The following WDR33 variants were observed in gnomAD, a reference collection of about 807,000 sequenced individuals.
WDR33 encodes the protein WD repeat domain 33.
In WDR33, 47 loss-of-function variants were observed where a neutral mutation model predicts 164.9. The ratio of observed to expected loss-of-function variants is 0.29; its 90% CI spans 0.23 to 0.36. WDR33 has a LOEUF of 0.36. WDR33 is among the 10% of genes least tolerant of loss of function. The probability of loss-of-function intolerance (pLI) is 1.00; values close to 1 mark genes in which losing one functional copy is unlikely to be tolerated. For synonymous variants in WDR33, 505 were observed against 589.0 expected (o/e 0.86, Z 2.06); for missense variants, 1,137 against 1,754.1 (o/e 0.65, Z 6.28).
intron 1 of WDR33, among the ~76,000 whole-genome samples, chr2:127,804,230 A>T (rs11890797): frequency 0.04 from 6,133 of 152,198 alleles, 364 homozygotes; most frequent in African/African-American, 0.13. Context: ...TTGAGGCAGG[A>T]GAATGGCGTG....
intron 21 of WDR33, among the ~76,000 whole-genome samples, chr2:127,707,173 CA>C (rs1686037641): frequency 7.4e-6 from 1 of 135,112 alleles, no homozygotes; most frequent in South Asian, 2.3e-4. Context: ...CTAGTATGCA[CA>C]AATGTTTAGG....
At chr2:127,731,674 C>T (rs1686710426) in intron 7 of WDR33, among the ~76,000 whole-genome samples, 1 of 152,120 alleles carries the variant, frequency 6.6e-6, no homozygotes, top group Non-Finnish European at 1.5e-5. Context: ...AAAACTGAGG[C>T]AGAAATAAGG....
At chr2:127,747,565 T>C (rs548515150) in intron 7 of WDR33, among the ~76,000 whole-genome samples, 2 of 152,306 alleles carry the variant, frequency 1.3e-5, no homozygotes, top group Non-Finnish European at 2.9e-5. Flanking sequence ...CATGATGACA[T>C]TCTCTATTTC....
Position 127,705,587 on chromosome 2 carries a change from TAGG to T in WDR33, c.*733_*735del, listed in dbSNP as rs957393191. ...CGATTCAAACCTAAACTGTGATTCT[TAGG>T]AGATGCTTCCAAGGGGAAGCTCCCT... On this transcript the variant is annotated 3_prime_UTR_variant, in exon 22 of 22. Coordinates refer to ENST00000322313, the MANE Select transcript of WDR33 (RefSeq NM_018383.5). The surrounding 1 kb of genome is among the most constrained non-coding windows in gnomAD (Gnocchi z 4.5). 1 of 152,236 alleles carries T rather than the reference TAGG, an allele frequency of 6.6e-6. No homozygotes were observed. The highest frequency in any genetic ancestry group is 1.5e-5 in the Non-Finnish European group (1 of 68,038). The allele number at this position is 152,236 out of a possible 1,614,324, so 9.4% of individuals were successfully genotyped here.
At chr2:127,736,019 C>T (rs770978897) in intron 7 of WDR33, 170 of 985,428 alleles carry the variant, frequency 1.7e-4, no homozygotes, top group Middle Eastern at 1.6e-3. Context: ...TGCATAGAAT[C>T]ATGGGTGAAG....
At chr2:127,730,648 C>T (rs1212711868) in intron 7 of WDR33, among the ~76,000 whole-genome samples, 2 of 147,944 alleles carry the variant, frequency 1.4e-5, no homozygotes, top group Admixed American at 1.3e-4. Context: ...GCAAGCAAAA[C>T]ACACAAACTA....
intron 1 of WDR33, among the ~76,000 whole-genome samples, chr2:127,778,746 C>T (rs1016912717): frequency 6.6e-6 from 1 of 152,116 alleles, no homozygotes; most frequent in African/African-American, 2.4e-5. Context: ...AGGGGAGAGA[C>T]ACTTGAGAAA....
Position 127,726,531 on chromosome 2 carries a change from C to T in WDR33, c.851+120G>A. 1 of 1,308,984 alleles carries T rather than the reference C, an allele frequency of 7.6e-7. No homozygotes were observed. Among genetic ancestry groups the T allele is most frequent in the Admixed American group, 2.6e-5 (1 of 38,012 alleles). 81.1% of individuals were successfully genotyped at this position (1,308,984 alleles called of 1,614,324 possible). ...TCATAAGAAGTCTATAGATCCAAGT[C>T]CATCTGTTGCCTAAATGACTCTTCC... On this transcript the variant is annotated intron_variant, in intron 8 of 21. Transcript: ENST00000322313. The surrounding 1 kb of genome is among the most constrained non-coding windows in gnomAD (Gnocchi z 4.8).
At chr2:127,802,176 A>C (rs1370326243) in intron 1 of WDR33, among the ~76,000 whole-genome samples, 1 of 152,116 alleles carries the variant, frequency 6.6e-6, no homozygotes, top group South Asian at 2.1e-4. Context: ...TCAAAAAAAA[A>C]AAATTAAGAC....
At chr2:127,807,092 C>T (rs1021529817) in intron 1 of WDR33, among the ~76,000 whole-genome samples, 63 of 152,258 alleles carry the variant, frequency 4.1e-4, no homozygotes, top group African/African-American at 1.4e-3. Context: ...GCAACCTCCG[C>T]CTCCAAGGTT....
intron 7 of WDR33, among the ~76,000 whole-genome samples, chr2:127,740,142 C>T (rs1402429102): frequency 6.6e-6 from 1 of 152,014 alleles, no homozygotes; most frequent in Non-Finnish European, 1.5e-5. Context: ...ACTACAATGC[C>T]ACCTCCAACA....
At chr2:127,786,699 A>T (rs1280260897) in intron 1 of WDR33, among the ~76,000 whole-genome samples, 1 of 151,858 alleles carries the variant, frequency 6.6e-6, no homozygotes, top group African/African-American at 2.4e-5. Context: ...ATATATATGT[A>T]TTTTTTTTAA....
At position 127,724,175 on chromosome 2, in the gene WDR33, T is replaced by C. The variant is rs2105384497; in HGVS notation, c.1196+158A>G. ...AAACCATATTCAATACCCAATCTCT[T>C]TATTGCAATATAAGTATTTGTAAAC... is the stretch of plus-strand genomic sequence containing the variant. On this transcript the variant is annotated intron_variant, in intron 11 of 21. Transcript: ENST00000322313. The surrounding 1 kb of genome is among the most constrained non-coding windows in gnomAD (Gnocchi z 4.8). Among the ~76,000 whole-genome samples the C allele has an allele frequency of 6.6e-6, 1 of 152,302 alleles. No homozygotes were observed. The highest frequency in any genetic ancestry group is 2.4e-5 in the African/African-American group (1 of 41,542).
chr2:127,779,399 G>C (rs1263963713), intron 1 of WDR33, among the ~76,000 whole-genome samples: 1 of 152,048 alleles, frequency 6.6e-6, no homozygotes, highest in Non-Finnish European at 1.5e-5. Flanking sequence ...CTCAGAGGCA[G>C]AGGTTGCAGG....
chr2:127,725,253 A>C (rs2105385466), intron 8 of WDR33, 38 bp from the exon 9 acceptor site: 2 of 1,565,018 alleles, frequency 1.3e-6, no homozygotes, highest in African/African-American at 2.8e-5. Flanking sequence ...TCAGAATTCA[A>C]AACAAGTATA....
chr2:127,746,177 A>G (rs1687163871), intron 7 of WDR33, among the ~76,000 whole-genome samples: 1 of 152,176 alleles, frequency 6.6e-6, no homozygotes, highest in Admixed American at 6.5e-5. Flanking sequence ...GACTTACATA[A>G]ATAAAGCTTT....
intron 7 of WDR33, among the ~76,000 whole-genome samples, chr2:127,757,077 C>CAAA (rs11381814): frequency 0.01 from 890 of 85,052 alleles, 9 homozygotes; most frequent in African/African-American, 0.033. Context: ...AACCTGTCTC[C>CAAA]AAAAAAAAAA....
In WDR33 at chr2:127,713,788, G is replaced by A. The variant is rs1421671773; in HGVS notation, c.3103C>T (p.Arg1035Ter). 6 of 1,614,232 alleles carry A rather than the reference G, an allele frequency of 3.7e-6. No homozygotes were observed. The highest frequency in any genetic ancestry group is 5.1e-6 in the Non-Finnish European group (6 of 1,180,046). ...FGHRLREFEG[R>*]GGPLPQEEKW... ...TCTTCTTGCGGTAAAGGTCCTCCTC[G>A]CCCCTCAAATTCACGTAACCGGTGG... The change falls in exon 18 of 22, where the codon CGA (arginine) becomes TGA (stop). Residue 1035 changes from arginine to a stop codon, truncating the protein, a stop_gained. Coordinates refer to ENST00000322313, the MANE Select transcript of WDR33 (RefSeq NM_018383.5). LOFTEE classifies it high-confidence loss of function. The surrounding 1 kb of genome is among the most constrained non-coding windows in gnomAD (Gnocchi z 6.2).
At chr2:127,805,452 T>G (rs1160236157) in intron 1 of WDR33, among the ~76,000 whole-genome samples, 8 of 151,944 alleles carry the variant, frequency 5.3e-5, no homozygotes, top group African/African-American at 1.9e-4. Flanking sequence ...AACTTCTAGT[T>G]TACAGGAAAT....
Sources: allele counts gnomAD v4.1 joint callset (sites outside exome capture counted in the v4.1 genomes callset), GRCh38; gene constraint gnomAD v4.1.1; non-coding constraint Gnocchi (gnomAD v3.1); transcripts MANE v1.5; gene names NCBI Gene and HGNC (gene_info 2026-07-23, HGNC 2026-07-21).